The following EIF5B variants were observed in gnomAD, a reference collection of about 807,000 sequenced individuals.
EIF5B encodes eIF-5B.
Under a neutral mutation model 147.5 loss-of-function variants are expected in EIF5B, and 47 were observed. The ratio of observed to expected loss-of-function variants is 0.32; its 90% CI spans 0.25 to 0.41. The LOEUF is 0.41. EIF5B is among the 10% of genes least tolerant of loss of function. The pLI is 1.00. For synonymous variants in EIF5B, 455 were observed against 456.2 expected (o/e 1.00, Z 0.03); for missense variants, 1,064 against 1,413.2 (o/e 0.75, Z 3.96).
intron 8 of EIF5B, among the ~76,000 whole-genome samples, chr2:99,370,966 A>G (rs117926326): frequency 0.011 from 1,679 of 152,332 alleles, 9 homozygotes; most frequent in Middle Eastern, 0.024. Flanking sequence ...AATTCCTTGC[A>G]TAAAGTATGA....
At chr2:99,349,767 G>A (rs1007898262) in intron 1 of EIF5B, among the ~76,000 whole-genome samples, 1 of 152,182 alleles carries the variant, frequency 6.6e-6, no homozygotes, top group Admixed American at 6.5e-5. Flanking sequence ...AGGATGATTA[G>A]CATATCTATC....
chr2:99,344,044 G>A (rs1245982117), intron 1 of EIF5B, among the ~76,000 whole-genome samples: 3 of 151,114 alleles, frequency 2.0e-5, no homozygotes, highest in East Asian at 2.0e-4. Flanking sequence ...TCAGCCTCCC[G>A]AGTAGCTGGG....
intron 14 of EIF5B, 161 bp from the exon 15 acceptor site, chr2:99,389,557 A>G (rs903414723): frequency 2.0e-6 from 1 of 512,636 alleles, no homozygotes; most frequent in Non-Finnish European, 3.2e-6. Flanking sequence ...GCAGGTGCCG[A>G]TAAGCAGTCT....
At position 99,361,651 on chromosome 2, in the gene EIF5B, G is replaced by A; in HGVS notation, c.750G>A (p.Leu250=). The change falls in exon 4 of 24, where the codon CTG becomes CTA. Residue 250 remains leucine (L), a synonymous_variant. Transcript: ENST00000289371. ...RKKRDEEKAK[L]RKLKEKEELE... ...AGCGAGATGAAGAAAAAGCGAAACT[G>A]CGGAAGCTGAAAGAAAAAGAAGAGT... 6.3e-7 allele frequency: 1 copy of A among 1,598,016 alleles called. No homozygotes were observed. The highest frequency in any genetic ancestry group is 8.5e-7 in the Non-Finnish European group (1 of 1,176,344).
chr2:99,386,708 T>TG (rs1441620673), intron 14 of EIF5B, among the ~76,000 whole-genome samples: 1 of 141,106 alleles, frequency 7.1e-6, no homozygotes, highest in Admixed American at 7.1e-5. Context: ...TGTTTTTTTC[T>TG]GGGGGGCGGG....
At chr2:99,340,338 G>A (rs2094256892) in intron 1 of EIF5B, among the ~76,000 whole-genome samples, 1 of 152,178 alleles carries the variant, frequency 6.6e-6, no homozygotes, top group Non-Finnish European at 1.5e-5. Context: ...CCAATTTTAG[G>A]ATTAGTATTC....
intron 14 of EIF5B, among the ~76,000 whole-genome samples, chr2:99,384,351 A>G (rs2104234244): frequency 6.6e-6 from 1 of 152,308 alleles, no homozygotes; most frequent in East Asian, 1.9e-4. Flanking sequence ...CTTTCAATAT[A>G]TTACTGCTTG....
At chr2:99,374,203 C>T (rs867378470) in intron 9 of EIF5B, among the ~76,000 whole-genome samples, 2 of 148,608 alleles carry the variant, frequency 1.3e-5, no homozygotes, top group Non-Finnish European at 3.0e-5. Flanking sequence ...GCATGAGAAT[C>T]GCTTCACCCT....
At chr2:99,375,060 C>CT (rs1348943942) in intron 9 of EIF5B, among the ~76,000 whole-genome samples, 3 of 152,096 alleles carry the variant, frequency 2.0e-5, no homozygotes, top group South Asian at 2.1e-4. Flanking sequence ...TTCCATTTAA[C>CT]TTTTTTTATA....
At chr2:99,342,969 T>TTTC (rs1371803171) in intron 1 of EIF5B, among the ~76,000 whole-genome samples, 1 of 147,526 alleles carries the variant, frequency 6.8e-6, no homozygotes, top group Non-Finnish European at 1.5e-5. Context: ...TCTTTCTTTC[T>TTTC]TTTTTTTTTG....
Position 99,361,802 on chromosome 2 carries a change from A to T in EIF5B, c.901A>T (p.Thr301Ser). 1 of 1,552,350 alleles carries T rather than the reference A, an allele frequency of 6.4e-7. No homozygotes were observed. Among genetic ancestry groups the T allele is most frequent in the Non-Finnish European group, 8.6e-7 (1 of 1,159,932 alleles). Residue 301 changes from threonine to serine, a missense_variant, in exon 4 of 24, where the codon ACT becomes TCT. By Grantham distance (58) the Thr-to-Ser change is moderately conservative (BLOSUM62 1). Coordinates refer to ENST00000289371, the MANE Select transcript of EIF5B (RefSeq NM_015904.4). ...VIPASEEKAE[T>S]PTAAEDDNEG... is the part of the protein sequence containing the mutation. ...TCCTGCCTCTGAAGAGAAAGCAGAG[A>T]CTCCCACAGCTGCAGAAGGTTGGTT...
intron 14 of EIF5B, among the ~76,000 whole-genome samples, chr2:99,387,893 G>A (rs1425521254): frequency 2.0e-5 from 3 of 151,756 alleles, no homozygotes; most frequent in Admixed American, 1.3e-4. Flanking sequence ...GGCTGGTCTC[G>A]AACACCTGGG....
chr2:99,378,928 G>A, intron 10 of EIF5B, 91 bp from the exon 11 acceptor site: 1 of 960,082 alleles, frequency 1.0e-6, no homozygotes, highest in Non-Finnish European at 1.5e-6. Context: ...GCAGGTTGTA[G>A]CATTCTTTTG....
chr2:99,369,047 C>T (rs1366314106), intron 7 of EIF5B, among the ~76,000 whole-genome samples: 2 of 152,062 alleles, frequency 1.3e-5, no homozygotes, highest in Non-Finnish European at 2.9e-5. Context: ...CTGAGGCGGG[C>T]GGATCACCTG....
intron 8 of EIF5B, among the ~76,000 whole-genome samples, chr2:99,370,684 T>C (rs1334010429): frequency 1.3e-5 from 2 of 152,208 alleles, no homozygotes; most frequent in Non-Finnish European, 2.9e-5. Context: ...AAATAATGAT[T>C]ATTTCAGGGA....
chr2:99,383,742 C>T (rs978644474), intron 14 of EIF5B, among the ~76,000 whole-genome samples: 2 of 151,900 alleles, frequency 1.3e-5, no homozygotes, highest in African/African-American at 4.9e-5. Flanking sequence ...AAGATGGCTA[C>T]ACTAAACAAC....
chr2:99,347,044 C>T (rs776431847), intron 1 of EIF5B, among the ~76,000 whole-genome samples: 1 of 152,078 alleles, frequency 6.6e-6, no homozygotes, highest in African/African-American at 2.4e-5. Flanking sequence ...CCCACCCTGT[C>T]GCCCAGGCTG....
intron 1 of EIF5B, among the ~76,000 whole-genome samples, chr2:99,344,011 C>T (rs551769058): frequency 3.3e-5 from 5 of 151,058 alleles, no homozygotes; most frequent in East Asian, 2.0e-4. Context: ...CTCCGCCTCC[C>T]GGGTTCATGC....
intron 17 of EIF5B, among the ~76,000 whole-genome samples, chr2:99,391,932 A>T (rs1674945772): frequency 6.6e-6 from 1 of 151,632 alleles, no homozygotes; most frequent in African/African-American, 2.4e-5. Context: ...CATGTTGCCC[A>T]GGCTGGTCTT....
Sources: gnomAD v4.1 joint callset for allele counts (sites outside exome capture counted in the v4.1 genomes callset) on GRCh38, gnomAD v4.1.1 for gene constraint, MANE v1.5 for transcripts, NCBI Gene and HGNC (gene_info 2026-07-23, HGNC 2026-07-21) for gene names.